Variants in PTPRT observed in about 807,000 individuals in gnomAD.
The protein encoded by PTPRT is protein tyrosine phosphatase receptor type T, also known as receptor-type tyrosine-protein phosphatase T.
Under a neutral mutation model 176.8 loss-of-function variants are expected in PTPRT, and 56 were observed. That is an observed-to-expected ratio of 0.32 (90% CI 0.26 to 0.40). PTPRT has a LOEUF of 0.40. Ranked by LOEUF, PTPRT falls within the 10% of genes least tolerant of loss-of-function variation. The pLI is 1.00. For synonymous variants in PTPRT, 783 were observed against 739.0 expected (o/e 1.06, Z -0.96); for missense variants, 1,540 against 1,908.2 (o/e 0.81, Z 3.60).
chr20:42,681,319 C>T (rs147097782), intron 6 of PTPRT, among the ~76,000 whole-genome samples: 2 of 152,156 alleles, frequency 1.3e-5, no homozygotes, highest in East Asian at 1.9e-4. Flanking sequence ...GAGCACTGAG[C>T]GCATGAAATT....
intron 1 of PTPRT, among the ~76,000 whole-genome samples, chr20:42,960,125 A>G (rs1461892144): frequency 1.3e-5 from 2 of 152,148 alleles, no homozygotes; most frequent in African/African-American, 2.4e-5. Flanking sequence ...GAACTCCCTC[A>G]TATACAGTCA....
chr20:42,459,323 C>T (rs74909138), intron 8 of PTPRT, among the ~76,000 whole-genome samples: 7 of 152,080 alleles, frequency 4.6e-5, no homozygotes, highest in African/African-American at 2.4e-5. Flanking sequence ...TGTGAGCTAC[C>T]GTGAAACTTC....
intron 15 of PTPRT, among the ~76,000 whole-genome samples, chr20:42,232,547 G>C (rs1331656967): frequency 6.6e-6 from 1 of 151,992 alleles, no homozygotes; most frequent in African/African-American, 2.4e-5. Flanking sequence ...TAGCACATGG[G>C]GGGCCATCAT....
At chr20:42,718,863 C>T (rs1364322861) in intron 6 of PTPRT, among the ~76,000 whole-genome samples, 1 of 152,124 alleles carries the variant, frequency 6.6e-6, no homozygotes, top group African/African-American at 2.4e-5. Flanking sequence ...TCCACACACA[C>T]ACCAAAAAAT....
At chr20:42,433,325 C>G (rs2059232319) in intron 9 of PTPRT, among the ~76,000 whole-genome samples, 1 of 152,128 alleles carries the variant, frequency 6.6e-6, no homozygotes, top group African/African-American at 2.4e-5. Flanking sequence ...ACCTAATTAC[C>G]ATAAAGACAG....
intron 1 of PTPRT, among the ~76,000 whole-genome samples, chr20:43,052,201 T>G (rs781503095): frequency 1.3e-5 from 2 of 152,220 alleles, no homozygotes; most frequent in African/African-American, 2.4e-5. Context: ...GCGATTGCCT[T>G]TATAGTGGTA....
chr20:43,113,669 A>T (rs949617552), intron 1 of PTPRT, among the ~76,000 whole-genome samples: 1 of 152,184 alleles, frequency 6.6e-6, no homozygotes, highest in Non-Finnish European at 1.5e-5. Context: ...ACAAGAGGCA[A>T]AACTCAAGTA....
intron 1 of PTPRT, among the ~76,000 whole-genome samples, chr20:43,112,148 A>G (rs771868935): frequency 6.6e-6 from 1 of 152,270 alleles, no homozygotes; most frequent in Non-Finnish European, 1.5e-5. Flanking sequence ...GCAGGGTGCT[A>G]TCCGAGGAAC....
In PTPRT at chr20:43,015,202, G is replaced by A. The variant is rs530896698; in HGVS notation, c.89-129270C>T. Among the ~76,000 whole-genome samples, 152 of 152,308 alleles carry A rather than the reference G, an allele frequency of 1.0e-3. 1 individual carries two copies. The highest frequency in any genetic ancestry group is 1.6e-3 in the Admixed American group (24 of 15,300). On this transcript the variant is annotated intron_variant, in intron 1 of 30. Coordinates refer to ENST00000373187, the MANE Select transcript of PTPRT (RefSeq NM_007050.6). ...GAGAGGTAGAGGGAGGCCAGCCTCC[G>A]AATTCAGAATCAGATAGACCAGAGT...
chr20:42,475,141 A>C (rs958593582), intron 7 of PTPRT, among the ~76,000 whole-genome samples: 2 of 152,198 alleles, frequency 1.3e-5, no homozygotes, highest in African/African-American at 4.8e-5. Flanking sequence ...TGTAGCCACA[A>C]GTGCTGGGCT....
At chr20:42,998,936 G>A (rs1413567288) in intron 1 of PTPRT, among the ~76,000 whole-genome samples, 1 of 152,200 alleles carries the variant, frequency 6.6e-6, no homozygotes, top group Non-Finnish European at 1.5e-5. Context: ...TGTGTATGCA[G>A]GGAGAGATGC....
intron 1 of PTPRT, among the ~76,000 whole-genome samples, chr20:43,046,225 A>G (rs1277040666): frequency 2.0e-5 from 3 of 152,044 alleles, no homozygotes; most frequent in Non-Finnish European, 4.4e-5. Flanking sequence ...AGAGAGAGGC[A>G]CTCAGGGACC....
At chr20:43,051,838 C>T (rs1276441697) in intron 1 of PTPRT, among the ~76,000 whole-genome samples, 3 of 151,984 alleles carry the variant, frequency 2.0e-5, no homozygotes, top group Admixed American at 6.6e-5. Context: ...AAGTAAAATC[C>T]TATTTCACTA....
chr20:42,894,383 A>G (rs976622412), intron 1 of PTPRT, among the ~76,000 whole-genome samples: 3 of 152,208 alleles, frequency 2.0e-5, no homozygotes, highest in Non-Finnish European at 4.4e-5. Context: ...TCTGAGAGAT[A>G]GTCAAGATAA....
intron 7 of PTPRT, among the ~76,000 whole-genome samples, chr20:42,539,377 T>G (rs1052359446): frequency 3.3e-5 from 5 of 151,652 alleles, no homozygotes; most frequent in African/African-American, 9.7e-5. Flanking sequence ...TTTTTTTTTT[T>G]TGTGGTAATC....
chr20:42,421,323 G>A (rs1432842816), intron 9 of PTPRT, among the ~76,000 whole-genome samples: 1 of 151,040 alleles, frequency 6.6e-6, no homozygotes, highest in Non-Finnish European at 1.5e-5. Flanking sequence ...GCCAAGTGCA[G>A]CAGGTTGGGT....
At chr20:42,245,929 T>C (rs1046090202) in intron 14 of PTPRT, among the ~76,000 whole-genome samples, 1 of 151,780 alleles carries the variant, frequency 6.6e-6, no homozygotes, top group Non-Finnish European at 1.5e-5. Context: ...AGTGGAGGGG[T>C]TGTAGCAGTG....
At chr20:42,873,101 G>A (rs1479869302) in intron 2 of PTPRT, among the ~76,000 whole-genome samples, 1 of 152,096 alleles carries the variant, frequency 6.6e-6, no homozygotes, top group Non-Finnish European at 1.5e-5. Context: ...CCCAATCCTG[G>A]GTAGGAAAAC....
At chr20:42,458,241 T>A (rs1207247184) in intron 8 of PTPRT, among the ~76,000 whole-genome samples, 3 of 152,172 alleles carry the variant, frequency 2.0e-5, no homozygotes, top group African/African-American at 7.2e-5. Context: ...AGGACAGTAG[T>A]TTAAGAAGAG....
Sources: gnomAD v4.1 joint callset for allele counts (sites outside exome capture counted in the v4.1 genomes callset) on GRCh38, gnomAD v4.1.1 for gene constraint, MANE v1.5 for transcripts, NCBI Gene and HGNC (gene_info 2026-07-23, HGNC 2026-07-21) for gene names.